ZSCAN25: variants seen among roughly 807,000 people sequenced by gnomAD.
ZSCAN25 encodes zinc finger and SCAN domain containing 25, also known as zinc finger and SCAN domain-containing protein 25.
In ZSCAN25, 27 loss-of-function variants were observed where a neutral mutation model predicts 38.7. The ratio of observed to expected loss-of-function variants is 0.70; its 90% CI spans 0.51 to 0.96. The LOEUF (loss-of-function observed/expected upper bound fraction) is 0.96. ZSCAN25 is among the 40% of genes least tolerant of loss of function. The pLI is 0.00. For missense variants in ZSCAN25, 637 were observed against 705.9 expected (o/e 0.90, Z 1.11); for synonymous variants, 273 against 277.7 (o/e 0.98, Z 0.17).
chr7:99,674,717 A>C, the ZSCAN25 span: 1 of 646,894 alleles, frequency 1.5e-6, no homozygotes, highest in South Asian at 2.1e-5. Context: ...GAAGGAAGCT[A>C]TTCAGAGATG....
the ZSCAN25 span, among the ~76,000 whole-genome samples, chr7:99,720,006 C>A: frequency 1.1e-3 from 152 of 138,360 alleles, 2 homozygotes; most frequent in East Asian, 0.026. Flanking sequence ...GAAAAACAAA[C>A]AACAAACAAC....
At chr7:99,700,927 A>G in the ZSCAN25 span, among the ~76,000 whole-genome samples, 1 of 152,256 alleles carries the variant, frequency 6.6e-6, no homozygotes, top group Non-Finnish European at 1.5e-5. Flanking sequence ...GGAAAATAAT[A>G]GAAGGCATGT....
the ZSCAN25 span, among the ~76,000 whole-genome samples, chr7:99,673,100 A>T: frequency 2.0e-5 from 3 of 152,198 alleles, no homozygotes; most frequent in Admixed American, 2.0e-4. Flanking sequence ...GTAAATCATC[A>T]AGTGCTCACA....
At chr7:99,637,412 G>GAAA in the ZSCAN25 span, among the ~76,000 whole-genome samples, 48 of 152,042 alleles carry the variant, frequency 3.2e-4, no homozygotes, top group African/African-American at 1.1e-3. Context: ...TAAAAAAGAG[G>GAAA]AAAAACAGCA....
the ZSCAN25 span, chr7:99,700,087 CTGT>C: frequency 7.9e-7 from 1 of 1,273,250 alleles, no homozygotes; most frequent in Non-Finnish European, 1.1e-6. Flanking sequence ...CAGCTGTGTG[CTGT>C]TGTTTGCTGG....
the ZSCAN25 span, chr7:99,659,222 T>C: frequency 6.6e-6 from 1 of 152,222 alleles, no homozygotes; most frequent in Non-Finnish European, 1.5e-5. Context: ...CTACCTTTGA[T>C]CTTTGATGAT....
At chr7:99,635,221 A>G (rs1808223832), downstream of ZSCAN25, among the ~76,000 whole-genome samples, 1 of 151,532 alleles carries the variant, frequency 6.6e-6, no homozygotes, top group Admixed American at 6.6e-5. Flanking sequence ...CACTACAACC[A>G]TAAAGAACAC....
chr7:99,625,953 C>T (rs1807431178), intron 7 of ZSCAN25, among the ~76,000 whole-genome samples: 1 of 152,236 alleles, frequency 6.6e-6, no homozygotes, highest in Non-Finnish European at 1.5e-5. Flanking sequence ...TCGGGTTGTC[C>T]TGGTGCTTGT....
the ZSCAN25 span, among the ~76,000 whole-genome samples, chr7:99,655,896 A>G: frequency 1.3e-5 from 2 of 152,194 alleles, no homozygotes; most frequent in African/African-American, 4.8e-5. Context: ...TTATTGGTGT[A>G]TAAGAATATT....
chr7:99,709,298 T>C, the ZSCAN25 span: 11 of 1,602,980 alleles, frequency 6.9e-6, no homozygotes, highest in Admixed American at 1.9e-4. Context: ...AAATTGAGAT[T>C]TTTGAATTAA....
rs1179773390 is a variant in ZSCAN25 at position 99,629,631 on chromosome 7, C to T, written c.1246C>T (p.His416Tyr). The T allele has an allele frequency of 6.2e-7, 1 of 1,613,972 alleles. No individual in the cohort carries two copies. Among genetic ancestry groups the T allele is most frequent in the Non-Finnish European group, 8.5e-7 (1 of 1,180,042 alleles). Reference sequence around the variant, plus strand: ...GTGCTGGAAAACCTTCAGCCAGAGACACCACCTGGAGGTGCACCAGCGCAG... The same window carrying T: ...GTGCTGGAAAACCTTCAGCCAGAGATACCACCTGGAGGTGCACCAGCGCAG... ...SECWKTFSQR[H>Y]HLEVHQRSHT... Residue 416 changes from histidine (H) to tyrosine (Y), a missense_variant, in exon 8 of 8, where the codon CAC becomes TAC. His to Tyr is a moderately conservative substitution (Grantham distance 83). Coordinates refer to ENST00000394152, the MANE Select transcript of ZSCAN25 (RefSeq NM_145115.3). This position sits in a 1 kb window ranked among gnomAD's most constrained non-coding sequence, Gnocchi z 5.6.
the ZSCAN25 span, among the ~76,000 whole-genome samples, chr7:99,641,333 G>A: frequency 1.1e-4 from 17 of 152,250 alleles, no homozygotes; most frequent in East Asian, 3.1e-3. Flanking sequence ...ATCAGATCTT[G>A]TGAGAACTCA....
the ZSCAN25 span, among the ~76,000 whole-genome samples, chr7:99,655,407 C>T: frequency 6.6e-6 from 1 of 152,166 alleles, no homozygotes; most frequent in African/African-American, 2.4e-5. Context: ...GGCATTCTTT[C>T]TCAGGGCTCT....
At position 99,629,288 on chromosome 7, in the gene ZSCAN25, C is replaced by T. The variant is rs1282003945; in HGVS notation, c.903C>T (p.Leu301=). The change falls in exon 8 of 8, where the codon CTC becomes CTT. Residue 301 remains leucine, a synonymous_variant. Coordinates refer to ENST00000394152, the MANE Select transcript of ZSCAN25 (RefSeq NM_145115.3). The surrounding 1 kb of genome is among the most constrained non-coding windows in gnomAD (Gnocchi z 5.6). ...LTSERFGEAS[L]QGPGLGRVCE... is the part of the protein sequence containing the mutation. ...CAGAGAGGTTTGGGGAAGCCTCTCT[C>T]CAGGGCCCTGGGCTCGGAAGGGTCT... The T allele has an allele frequency of 1.2e-6, 2 of 1,614,192 alleles. No homozygotes were observed. Among genetic ancestry groups the T allele is most frequent in the South Asian group, 1.1e-5 (1 of 91,088 alleles).
At chr7:99,714,799 T>C in the ZSCAN25 span, 2 of 1,508,128 alleles carry the variant, frequency 1.3e-6, no homozygotes, top group Admixed American at 4.0e-5. Flanking sequence ...TGTTCTCAAC[T>C]GGAAGCCATT....
In ZSCAN25 at chr7:99,630,180, G is replaced by A. The variant is rs1807883669; in HGVS notation, c.*160G>A. On this transcript the variant is annotated 3_prime_UTR_variant, in exon 8 of 8. Coordinates refer to ENST00000394152, the MANE Select transcript of ZSCAN25 (RefSeq NM_145115.3). ...CTGGCTTACTTAGAGCTTCCAGAGA[G>A]CATAGCTGCTTCCATCTCTTACCCA... 2.1e-6 allele frequency: 3 copies of A among 1,404,928 alleles called. No homozygotes were observed. Among genetic ancestry groups the A allele is most frequent in the Admixed American group, 6.3e-5 (2 of 31,816 alleles). The allele number at this position is 1,404,928 out of a possible 1,614,324, so 87.0% of individuals were successfully genotyped here.
At chr7:99,705,371 T>C in the ZSCAN25 span, 159,000 of 1,072,418 alleles carry the variant, frequency 0.15, 21,885 homozygotes, top group African/African-American at 0.59. Context: ...ACAGAATCCC[T>C]GATTATTTAT....
At chr7:99,650,322 T>C in the ZSCAN25 span, 1 of 1,206,196 alleles carries the variant, frequency 8.3e-7, no homozygotes, top group Non-Finnish European at 1.2e-6. Context: ...ACAACCCCCC[T>C]CCACCTCCCA....
chr7:99,714,893 G>A, the ZSCAN25 span, among the ~76,000 whole-genome samples: 2 of 152,176 alleles, frequency 1.3e-5, no homozygotes, highest in Non-Finnish European at 2.9e-5. Flanking sequence ...ACAGCAGTGA[G>A]ATCAGCAGCC....
Sources: gnomAD v4.1 joint callset for allele counts (sites outside exome capture counted in the v4.1 genomes callset) on GRCh38, gnomAD v4.1.1 for gene constraint, Gnocchi (gnomAD v3.1) non-coding constraint, MANE v1.5 for transcripts, NCBI Gene and HGNC (gene_info 2026-07-23, HGNC 2026-07-21) for gene names.